Variants in BCL2L10 observed in about 807,000 individuals in gnomAD.
The protein encoded by BCL2L10 is bcl-2-like protein 10.
In BCL2L10, 14 loss-of-function variants were observed where a neutral mutation model predicts 11.1. The ratio of observed to expected loss-of-function variants is 1.26; its 90% CI spans 0.83 to 1.96. BCL2L10 has a LOEUF of 1.96. BCL2L10 is among the 30% of genes most tolerant of loss of function. BCL2L10 has a pLI of 0.00. For synonymous variants in BCL2L10, 154 were observed against 133.4 expected (o/e 1.15, Z -1.07); for missense variants, 309 against 273.9 (o/e 1.13, Z -0.90).
chr15:52,112,729 T>C lies in BCL2L10; in HGVS notation c.-3A>G, dbSNP rs1465604284. ...CGCTCCCGCAACTGGTCAACCATGG[T>C]CCGGCCTCTGCTGGGGGGCCGGGCC... is the stretch of plus-strand genomic sequence containing the variant. On this transcript the variant is annotated 5_prime_UTR_variant, in exon 1 of 2. Coordinates refer to ENST00000260442, the MANE Select transcript of BCL2L10 (RefSeq NM_020396.4). 2 of 1,528,850 alleles carry C rather than the reference T, an allele frequency of 1.3e-6. No individual in the cohort carries two copies. The highest frequency in any genetic ancestry group is 1.7e-6 in the Non-Finnish European group (2 of 1,144,186). 94.7% of individuals were successfully genotyped at this position (1,528,850 alleles called of 1,614,324 possible).
intron 1 of BCL2L10, among the ~76,000 whole-genome samples, chr15:52,111,654 G>T (rs1000100146): frequency 5.9e-5 from 9 of 152,074 alleles, no homozygotes; most frequent in Non-Finnish European, 1.3e-4. Flanking sequence ...GCAGCTGAAA[G>T]CCAGGGGCCT....
intron 1 of BCL2L10, among the ~76,000 whole-genome samples, chr15:52,111,745 A>G (rs79485795): frequency 0.022 from 3,282 of 152,066 alleles, 132 homozygotes; most frequent in African/African-American, 0.076. Flanking sequence ...GGCGACCACC[A>G]CACTCCACAA....
rs2033069379 is a variant in BCL2L10, at chr15:52,112,328, G to A, written c.399C>T (p.Asp133=). ...FQPRLKEQEG[D]VARDCQRLVA... Reference sequence around the variant, plus strand: ...CCAGGCGCTGGCAGTCCCGGGCGACGTCGCCCTCCTGCTCCTTTAGCCGCG... The same window carrying A: ...CCAGGCGCTGGCAGTCCCGGGCGACATCGCCCTCCTGCTCCTTTAGCCGCG... Residue 133 remains aspartate, a synonymous_variant, in exon 1 of 2, where the codon GAC becomes GAT. Coordinates refer to ENST00000260442, the MANE Select transcript of BCL2L10 (RefSeq NM_020396.4). The A allele has an allele frequency of 5.0e-6, 8 of 1,587,664 alleles. No homozygotes were observed. The highest frequency in any genetic ancestry group is 1.1e-5 in the South Asian group (1 of 88,382).
Position 52,112,671 on chromosome 15 carries a change from G to T in BCL2L10, c.56C>A (p.Thr19Asn). The change falls in exon 1 of 2, where the codon ACC becomes AAC. Residue 19 changes from threonine to asparagine, a missense_variant. Coordinates refer to ENST00000260442, the MANE Select transcript of BCL2L10 (RefSeq NM_020396.4). The part of the protein sequence containing the change: ...TTMADPLRER[T>N]ELLLADYLGY... ...CAGGTAGTCGGCCAGCAACAGCTCG[G>T]TGCGCTCCCGCAGCGGGTCGGCCAT... The T allele has an allele frequency of 6.5e-7, 1 of 1,544,478 alleles. No individual in the cohort carries two copies. Among genetic ancestry groups the T allele is most frequent in the South Asian group, 1.2e-5 (1 of 84,670 alleles).
intron 1 of BCL2L10, among the ~76,000 whole-genome samples, chr15:52,111,186 AC>A (rs1761380494): frequency 6.7e-6 from 1 of 148,612 alleles, no homozygotes; most frequent in Non-Finnish European, 1.5e-5. Context: ...ACACACACAC[AC>A]ACACACACAC....
rs763342059 is a variant in BCL2L10, at chr15:52,109,820, G to A, written c.*28C>T. On this transcript the variant is annotated 3_prime_UTR_variant, in exon 2 of 2. Coordinates refer to ENST00000260442, the MANE Select transcript of BCL2L10 (RefSeq NM_020396.4). ...TCATTTAGTTGGTCACAGTTGGGCA[G>A]GTAGAAGCGGGTTAAAAGTTTTAAA... 1.2e-6 allele frequency: 2 copies of A among 1,612,588 alleles called. No individual in the cohort carries two copies. The highest frequency in any genetic ancestry group is 8.5e-7 in the Non-Finnish European group (1 of 1,179,172).
chr15:52,110,064 T>A, intron 1 of BCL2L10, 91 bp from the exon 2 acceptor site: 2 of 1,301,628 alleles, frequency 1.5e-6, no homozygotes, highest in Non-Finnish European at 2.1e-6. Context: ...AACAGCAAAG[T>A]AAAGTTTGGA....
In BCL2L10 at chr15:52,112,658, C is replaced by T. The variant is rs1205968154; in HGVS notation, c.69G>A (p.Leu23=). ...GGGCGCAGTACCCCAGGTAGTCGGC[C>T]AGCAACAGCTCGGTGCGCTCCCGCA... ...DPLRERTELL[L]ADYLGYCARE... is the part of the protein sequence containing the mutation. Residue 23 remains leucine (L), a synonymous_variant, in exon 1 of 2, where the codon CTG becomes CTA. Transcript: ENST00000260442. 1 of 1,554,318 alleles carries T rather than the reference C, an allele frequency of 6.4e-7. No homozygotes were observed. Among genetic ancestry groups the T allele is most frequent in the Non-Finnish European group, 8.6e-7 (1 of 1,157,350 alleles).
rs762596140 is a variant in BCL2L10 at position 52,112,260 on chromosome 15, C to T, written c.467G>A (p.Trp156Ter). 94 of 1,526,518 alleles carry T rather than the reference C, an allele frequency of 6.2e-5. No individual in the cohort carries two copies. The highest frequency in any genetic ancestry group is 8.1e-5 in the Non-Finnish European group (93 of 1,141,734). 94.6% of individuals were successfully genotyped at this position (1,526,518 alleles called of 1,614,324 possible). Residue 156 changes from tryptophan to a stop codon, truncating the protein, a stop_gained, in exon 1 of 2, where the codon TGG becomes TAG. Transcript: ENST00000260442. LOFTEE classifies it low-confidence loss of function (END_TRUNC). ...SSRLMGQHRA[W>*]LQAQGGWDGF... Reference sequence around the variant, plus strand: ...CACCCAGCCGCCCTGAGCCTGCAGCCAGGCGCGGTGCTGCCCCATGAGCCG... The same window carrying T: ...CACCCAGCCGCCCTGAGCCTGCAGCTAGGCGCGGTGCTGCCCCATGAGCCG...
intron 1 of BCL2L10, among the ~76,000 whole-genome samples, chr15:52,111,803 T>C (rs2033060555): frequency 6.6e-6 from 1 of 152,210 alleles, no homozygotes. Context: ...TCAATGGGTC[T>C]GAGTCTCTCC....
At chr15:52,110,146 A>T (rs2033032456) in intron 1 of BCL2L10, among the ~76,000 whole-genome samples, 173 bp from the exon 2 acceptor site, 1 of 152,240 alleles carries the variant, frequency 6.6e-6, no homozygotes. Context: ...AGGAGTGAGG[A>T]TTGGTAAGTC....
Position 52,109,893 on chromosome 15 carries a change from G to C in BCL2L10, c.570C>G (p.Cys190Trp). The C allele has an allele frequency of 1.9e-6, 3 of 1,613,824 alleles. No individual in the cohort carries two copies. Among genetic ancestry groups the C allele is most frequent in the Non-Finnish European group, 2.5e-6 (3 of 1,179,806 alleles). ...GATAAATGAAGGCTGTTGTTAACAA[G>C]CATGACAGAAAAGCCTGGACCAGCT... Reference protein sequence around the residue: ...RKQLVQAFLSCLLTTAFIYLW... With the variant: ...RKQLVQAFLSWLLTTAFIYLW... The change falls in exon 2 of 2, where the codon TGC becomes TGG. Residue 190 changes from cysteine (C) to tryptophan (W), a missense_variant. Cys to Trp is a radical substitution (Grantham distance 215). Coordinates refer to ENST00000260442, the MANE Select transcript of BCL2L10 (RefSeq NM_020396.4).
intron 1 of BCL2L10, among the ~76,000 whole-genome samples, chr15:52,110,401 A>G (rs372301644): frequency 3.3e-5 from 5 of 151,872 alleles, no homozygotes; most frequent in Admixed American, 2.0e-4. Context: ...ATGGGCAGAG[A>G]CAAGGGTGAA....
At position 52,109,788 on chromosome 15, in the gene BCL2L10, A is replaced by C. The variant is rs778759102; in HGVS notation, c.*60T>G. ...GCTTTCCCTCAGTTCTTGTTCTCAC[A>C]CATCTGTCATTTAGTTGGTCACAGT... On this transcript the variant is annotated 3_prime_UTR_variant, in exon 2 of 2. Coordinates refer to ENST00000260442, the MANE Select transcript of BCL2L10 (RefSeq NM_020396.4). 2 of 1,595,846 alleles carry C rather than the reference A, an allele frequency of 1.3e-6. No homozygotes were observed. Among genetic ancestry groups the C allele is most frequent in the Non-Finnish European group, 1.7e-6 (2 of 1,168,614 alleles).
chr15:52,109,466 G>A lies in BCL2L10; in HGVS notation c.*382C>T, dbSNP rs1244897378. On this transcript the variant is annotated 3_prime_UTR_variant, in exon 2 of 2. Coordinates refer to ENST00000260442, the MANE Select transcript of BCL2L10 (RefSeq NM_020396.4). ...CTTTGGGGATTATTTTGCCCCAGCT[G>A]TGGCCATGTTTAAAATTAGTCAGCA... The A allele has an allele frequency of 6.0e-6, 1 of 165,490 alleles. No homozygotes were observed. The highest frequency in any genetic ancestry group is 1.7e-4 in the East Asian group (1 of 6,026). 10.3% of individuals were successfully genotyped at this position (165,490 alleles called of 1,614,324 possible).
chr15:52,112,447 A>C lies in BCL2L10; in HGVS notation c.280T>G (p.Trp94Gly), dbSNP rs1476260423. Reference sequence around the variant, plus strand: ...GTCACGAGCGTCACCACTCTGCCCCAGGTGGGGCCGGGGCTGTCGGAGAGC... The same window carrying C: ...GTCACGAGCGTCACCACTCTGCCCCCGGTGGGGCCGGGGCTGTCGGAGAGC... ...SVLSDSPGPT[W>G]GRVVTLVTFA... is the part of the protein sequence containing the mutation. Residue 94 changes from tryptophan to glycine, a missense_variant, in exon 1 of 2, where the codon TGG becomes GGG. Physicochemically the swap from Trp to Gly is radical, Grantham distance 184. Transcript: ENST00000260442. 6.2e-7 allele frequency: 1 copy of C among 1,606,688 alleles called. No individual in the cohort carries two copies. The highest frequency in any genetic ancestry group is 2.2e-5 in the East Asian group (1 of 44,808).
chr15:52,111,173 A>AACACACACACACACACAC (rs71130130), intron 1 of BCL2L10, among the ~76,000 whole-genome samples: 1,789 of 121,722 alleles, frequency 0.015, 37 homozygotes, highest in Admixed American at 0.025. Context: ...CTCTACTGAA[A>AACACACACACACACACAC]ACACACACAC....
At position 52,112,760 on chromosome 15, in the gene BCL2L10, T is replaced by C. The variant is rs2033086839; in HGVS notation, c.-34A>G. The C allele has an allele frequency of 6.7e-7, 1 of 1,491,482 alleles. No homozygotes were observed. Among genetic ancestry groups the C allele is most frequent in the African/African-American group, 1.5e-5 (1 of 67,446 alleles). 92.4% of individuals were successfully genotyped at this position (1,491,482 alleles called of 1,614,324 possible). On this transcript the variant is annotated 5_prime_UTR_variant, in exon 1 of 2. Transcript: ENST00000260442. The stretch of plus-strand genomic sequence containing the variant: ...CTCTGCTGGGGGGCCGGGCCTTCGC[T>C]GGTTTTCTTGGCCCGGCCGCGCCTC...
At chr15:52,111,182 ACAC>A (rs2033049619) in intron 1 of BCL2L10, among the ~76,000 whole-genome samples, 1 of 123,352 alleles carries the variant, frequency 8.1e-6, no homozygotes. Context: ...AAACACACAC[ACAC>A]ACACACACAC....
Sources: gnomAD v4.1 joint callset for allele counts (sites outside exome capture counted in the v4.1 genomes callset) on GRCh38, gnomAD v4.1.1 for gene constraint, MANE v1.5 for transcripts, NCBI Gene and HGNC (gene_info 2026-07-23, HGNC 2026-07-21) for gene names.